Variants in DUSP22 observed in about 807,000 individuals in gnomAD.
The protein encoded by DUSP22 is dual specificity protein phosphatase 22.
A neutral mutation model predicts 24.5 loss-of-function variants in DUSP22; 24 were observed. The observed-to-expected ratio is 0.98, with a 90% confidence interval of 0.71 to 1.38. DUSP22 has a LOEUF of 1.38. DUSP22 is among the 40% of genes most tolerant of loss of function. The pLI, the probability that DUSP22 is intolerant of heterozygous loss-of-function variation, is 0.00. For synonymous variants in DUSP22, 160 were observed against 106.4 expected, an observed-to-expected ratio of 1.50 and a Z score of -3.10; for missense variants, 330 against 269.2, an observed-to-expected ratio of 1.23 and a Z score of -1.58.
chr6:303,136 G>A (rs1757661530), intron 1 of DUSP22, among the ~76,000 whole-genome samples: 1 of 152,294 alleles, frequency 6.6e-6, no homozygotes, highest in Non-Finnish European at 1.5e-5. Flanking sequence ...AAAGGCAGGA[G>A]AGACCCTCGG....
chr6:348,412 C>A, intron 6 of DUSP22, 138 bp downstream of exon 6: 1 of 1,386,010 alleles, frequency 7.2e-7, no homozygotes, highest in Non-Finnish European at 9.8e-7. Flanking sequence ...GGGCGCCCAG[C>A]TGCACCCCTT....
In DUSP22 at chr6:349,487, G is replaced by A. The variant is rs1760075432; in HGVS notation, c.*536G>A. ...AAAGCTACCCAGCAAAGAGCAGTCT[G>A]TGCCTCTGAGCAGACCGTGAGAACT... On this transcript the variant is annotated 3_prime_UTR_variant, in exon 7 of 7. Transcript: ENST00000419235. 2 of 1,005,730 alleles carry A rather than the reference G, an allele frequency of 2.0e-6. No individual in the cohort carries two copies. Among genetic ancestry groups the A allele is most frequent in the African/African-American group, 1.7e-5 (1 of 57,716 alleles). 62.3% of individuals were successfully genotyped at this position (1,005,730 alleles called of 1,614,324 possible).
At chr6:324,430 A>G (rs961126410) in intron 3 of DUSP22, among the ~76,000 whole-genome samples, 9 of 152,304 alleles carry the variant, frequency 5.9e-5, no homozygotes, top group Admixed American at 2.0e-4. Flanking sequence ...GCCGCGGAGC[A>G]CAGGAATGCA....
At chr6:329,653 C>G (rs1183148453) in intron 3 of DUSP22, among the ~76,000 whole-genome samples, 1 of 152,306 alleles carries the variant, frequency 6.6e-6, no homozygotes, top group Non-Finnish European at 1.5e-5. Flanking sequence ...GGGGTTTTAC[C>G]ATGTTGGCCA....
intron 4 of DUSP22, among the ~76,000 whole-genome samples, chr6:336,135 C>A (rs544283048): frequency 8.5e-5 from 13 of 152,416 alleles, no homozygotes; most frequent in African/African-American, 2.4e-4. Context: ...AAGCACACAT[C>A]TGACTTGTGC....
intron 3 of DUSP22, among the ~76,000 whole-genome samples, chr6:318,232 A>G (rs922682240): frequency 3.3e-5 from 5 of 152,304 alleles, no homozygotes; most frequent in African/African-American, 1.2e-4. Flanking sequence ...TGGCTCTACA[A>G]AGAGGACCAT....
intron 2 of DUSP22, among the ~76,000 whole-genome samples, chr6:309,958 T>C (rs1404870827): frequency 6.6e-6 from 1 of 152,288 alleles, no homozygotes; most frequent in Non-Finnish European, 1.5e-5. Flanking sequence ...TGTTGTTGTT[T>C]GGTTTTGTTT....
intron 2 of DUSP22, among the ~76,000 whole-genome samples, chr6:310,291 G>A (rs1359019872): frequency 2.0e-5 from 3 of 152,292 alleles, no homozygotes; most frequent in Admixed American, 6.5e-5. Context: ...CATTTCTCCT[G>A]TATCATTTAG....
At chr6:347,896 G>T (rs1018848951) in intron 5 of DUSP22, among the ~76,000 whole-genome samples, 1 of 152,300 alleles carries the variant, frequency 6.6e-6, no homozygotes, top group East Asian at 1.9e-4. Flanking sequence ...GCAGAAGAAA[G>T]CATGCGATTC....
chr6:306,866 G>T (rs1352482664), intron 2 of DUSP22, among the ~76,000 whole-genome samples: 1 of 152,308 alleles, frequency 6.6e-6, no homozygotes, highest in African/African-American at 2.4e-5. Context: ...TTACACACCT[G>T]GGGGTGTAGA....
intron 4 of DUSP22, among the ~76,000 whole-genome samples, chr6:343,512 T>C (rs1436828005): frequency 1.3e-5 from 2 of 152,298 alleles, no homozygotes; most frequent in Non-Finnish European, 2.9e-5. Flanking sequence ...GGTCTGTTCT[T>C]ATTTACATCT....
At chr6:298,750 C>T (rs1253962134) in intron 1 of DUSP22, among the ~76,000 whole-genome samples, 4 of 152,302 alleles carry the variant, frequency 2.6e-5, no homozygotes, top group African/African-American at 7.2e-5. Context: ...TGCCAGAGAC[C>T]GTCTTCCTCT....
At chr6:306,852 T>C (rs1450419591) in intron 2 of DUSP22, among the ~76,000 whole-genome samples, 1 of 152,306 alleles carries the variant, frequency 6.6e-6, no homozygotes, top group Non-Finnish European at 1.5e-5. Context: ...TGTCCTCACA[T>C]GAGTTACACA....
At chr6:346,966 C>G (rs1249528513) in intron 5 of DUSP22, among the ~76,000 whole-genome samples, 1 of 152,304 alleles carries the variant, frequency 6.6e-6, no homozygotes, top group Admixed American at 6.5e-5. Flanking sequence ...AGAATGGTGT[C>G]TGCAGTTTCA....
chr6:323,487 T>G (rs757080485), intron 3 of DUSP22, among the ~76,000 whole-genome samples: 1 of 152,306 alleles, frequency 6.6e-6, no homozygotes, highest in Non-Finnish European at 1.5e-5. Flanking sequence ...GAGTTAGAGC[T>G]TCTTTCTCTT....
chr6:312,711 G>C (rs562716838), intron 3 of DUSP22, among the ~76,000 whole-genome samples: 1 of 152,410 alleles, frequency 6.6e-6, no homozygotes, highest in African/African-American at 2.4e-5. Flanking sequence ...AAGAATCCTG[G>C]TTCAGGCTGT....
intron 4 of DUSP22, among the ~76,000 whole-genome samples, chr6:338,832 A>G (rs1241106966): frequency 8.5e-5 from 13 of 152,418 alleles, no homozygotes; most frequent in African/African-American, 2.6e-4. Flanking sequence ...AATTCTGGCA[A>G]GTTATGCTTA....
chr6:292,954 C>G (rs1223157357), intron 1 of DUSP22, among the ~76,000 whole-genome samples: 1 of 152,298 alleles, frequency 6.6e-6, no homozygotes, highest in East Asian at 1.9e-4. Context: ...CCCCCCACAT[C>G]ATTAGTAAAC....
intron 3 of DUSP22, among the ~76,000 whole-genome samples, chr6:317,910 G>A (rs901040920): frequency 2.6e-5 from 4 of 152,300 alleles, no homozygotes; most frequent in Non-Finnish European, 4.4e-5. Flanking sequence ...GTCTCATCAC[G>A]TCTTTGGCCC....
Sources: gnomAD v4.1 joint callset for allele counts (sites outside exome capture counted in the v4.1 genomes callset) on GRCh38, gnomAD v4.1.1 for gene constraint, MANE v1.5 for transcripts, NCBI Gene and HGNC (gene_info 2026-07-23, HGNC 2026-07-21) for gene names.